Variants in IGSF11 observed in about 807,000 individuals in gnomAD.
IGSF11 encodes the protein CXADR like 1.
In IGSF11, 22 loss-of-function variants were observed where a neutral mutation model predicts 41.0. That is an observed-to-expected ratio of 0.54 (90% confidence interval 0.38 to 0.77). The LOEUF (loss-of-function observed/expected upper bound fraction) is 0.77, where lower values mean the gene tolerates loss of function less well. IGSF11 is among the 30% of genes least tolerant of loss of function. The pLI is 0.00. For missense variants in IGSF11, 444 were observed against 530.8 expected, an observed-to-expected ratio of 0.84 and a Z score of 1.61; for synonymous variants, 219 against 201.3, an observed-to-expected ratio of 1.09 and a Z score of -0.74.
chr3:119,029,173 T>TATAC (rs1940121437), intron 1 of IGSF11, among the ~76,000 whole-genome samples: 1 of 111,512 alleles, frequency 9.0e-6, no homozygotes, highest in Non-Finnish European at 1.8e-5. Flanking sequence ...TTGGGGATAA[T>TATAC]ACACACACAC....
intron 1 of IGSF11, among the ~76,000 whole-genome samples, chr3:119,134,338 C>T (rs2077526499): frequency 6.6e-6 from 1 of 152,186 alleles, no homozygotes; most frequent in Non-Finnish European, 1.5e-5. Flanking sequence ...CCCAAAATCT[C>T]CTTAAGCTCA....
chr3:119,036,908 T>C (rs963646513), upstream of IGSF11, among the ~76,000 whole-genome samples: 3 of 152,128 alleles, frequency 2.0e-5, no homozygotes, highest in African/African-American at 7.2e-5. Flanking sequence ...GTGTGGCTTC[T>C]GAAGGGAGAG....
At chr3:118,920,411 C>G (rs189374220) in intron 4 of IGSF11, among the ~76,000 whole-genome samples, 2 of 151,768 alleles carry the variant, frequency 1.3e-5, no homozygotes, top group South Asian at 2.1e-4. Context: ...TACCCATAAT[C>G]AATGATTTCA....
chr3:119,051,637 T>C (rs1177638949), intron 1 of IGSF11, among the ~76,000 whole-genome samples: 1 of 152,154 alleles, frequency 6.6e-6, no homozygotes, highest in Non-Finnish European at 1.5e-5. Context: ...ACTTAACAGA[T>C]ATTTACAGAA....
chr3:119,040,625 A>G (rs1242763876), intron 1 of IGSF11, among the ~76,000 whole-genome samples: 1 of 152,188 alleles, frequency 6.6e-6, no homozygotes, highest in Non-Finnish European at 1.5e-5. Context: ...TATTTTAATA[A>G]TCTTGTTTGT....
At chr3:119,110,388 T>C (rs546867924) in intron 1 of IGSF11, among the ~76,000 whole-genome samples, 57 of 152,288 alleles carry the variant, frequency 3.7e-4, no homozygotes, top group African/African-American at 1.3e-3. Flanking sequence ...TTAAAGTCTG[T>C]TTTATCAGAG....
chr3:118,988,227 T>G (rs1304960539), intron 1 of IGSF11, among the ~76,000 whole-genome samples: 1 of 152,188 alleles, frequency 6.6e-6, no homozygotes, highest in African/African-American at 2.4e-5. Context: ...TGGCACAGTA[T>G]GTACATGATA....
intron 1 of IGSF11, among the ~76,000 whole-genome samples, chr3:118,993,979 T>A (rs1936034559): frequency 6.6e-6 from 1 of 152,286 alleles, no homozygotes; most frequent in South Asian, 2.1e-4. Flanking sequence ...CTGCAAACAA[T>A]CAAATTGTAC....
At chr3:119,076,904 C>T (rs373273201) in intron 1 of IGSF11, among the ~76,000 whole-genome samples, 2 of 152,068 alleles carry the variant, frequency 1.3e-5, no homozygotes, top group Non-Finnish European at 2.9e-5. Context: ...TTTGACCCAG[C>T]GATCCCATTA....
At chr3:118,927,955 A>G (rs976572746) in intron 3 of IGSF11, among the ~76,000 whole-genome samples, 23 of 151,960 alleles carry the variant, frequency 1.5e-4, no homozygotes, top group African/African-American at 2.4e-4. Context: ...CAATCTGGGG[A>G]AAAAAAACCT....
At chr3:118,907,025 T>C (rs1424708015) in intron 4 of IGSF11, among the ~76,000 whole-genome samples, 1 of 152,134 alleles carries the variant, frequency 6.6e-6, no homozygotes, top group East Asian at 1.9e-4. Context: ...ATCTCAACCA[T>C]TCAAAATAGC....
At chr3:118,928,953 TA>T (rs998392138) in intron 2 of IGSF11, among the ~76,000 whole-genome samples, 4 of 152,106 alleles carry the variant, frequency 2.6e-5, no homozygotes, top group South Asian at 4.2e-4. Flanking sequence ...CATCAGAACA[TA>T]AAAAAAGTCT....
At chr3:119,130,680 G>A (rs1559883831) in intron 1 of IGSF11, among the ~76,000 whole-genome samples, 1 of 152,218 alleles carries the variant, frequency 6.6e-6, no homozygotes, top group African/African-American at 2.4e-5. Context: ...AAACGTCCCT[G>A]TCTGACAGCT....
At chr3:119,113,197 C>T (rs1358618452) in intron 1 of IGSF11, among the ~76,000 whole-genome samples, 14 of 152,048 alleles carry the variant, frequency 9.2e-5, no homozygotes. Context: ...CCACCCCTGG[C>T]CCCTCCCAAA....
chr3:118,913,980 C>T (rs926803827), intron 4 of IGSF11, among the ~76,000 whole-genome samples: 8 of 151,930 alleles, frequency 5.3e-5, no homozygotes, highest in African/African-American at 1.2e-4. Flanking sequence ...ACTGATGAGA[C>T]GAAATATTCA....
chr3:118,925,711 G>A (rs1017474596), intron 4 of IGSF11, among the ~76,000 whole-genome samples: 1 of 152,074 alleles, frequency 6.6e-6, no homozygotes, highest in Non-Finnish European at 1.5e-5. Context: ...AAAGCAGGAG[G>A]ATCAACCCTC....
chr3:119,031,176 G>C (rs771645054), intron 1 of IGSF11, among the ~76,000 whole-genome samples: 31 of 152,170 alleles, frequency 2.0e-4, no homozygotes, highest in African/African-American at 6.3e-4. Flanking sequence ...AGAACTGCTA[G>C]AACCCAGGAG....
chr3:118,944,582 T>A (rs757607431), intron 1 of IGSF11, among the ~76,000 whole-genome samples: 1 of 151,994 alleles, frequency 6.6e-6, no homozygotes, highest in African/African-American at 2.4e-5. Context: ...CCTTCCTTTT[T>A]AAATGCCCTC....
At chr3:119,141,030 ACT>A (rs2077640405) in intron 1 of IGSF11, among the ~76,000 whole-genome samples, 1 of 123,284 alleles carries the variant, frequency 8.1e-6, no homozygotes, top group Non-Finnish European at 1.6e-5. Context: ...GCCACAGGAG[ACT>A]CTGTCTCATT....
Sources: gnomAD v4.1 joint callset for allele counts (sites outside exome capture counted in the v4.1 genomes callset) on GRCh38, gnomAD v4.1.1 for gene constraint, MANE v1.5 for transcripts, NCBI Gene and HGNC (gene_info 2026-07-23, HGNC 2026-07-21) for gene names.